Variants in POM121C observed in about 807,000 individuals in gnomAD.
POM121C encodes POM121 transmembrane nucleoporin C.
In POM121C, 20 loss-of-function variants were observed where a neutral mutation model predicts 66.4. The observed-to-expected ratio is 0.30, with a 90% CI of 0.21 to 0.44. The LOEUF is 0.44. POM121C is among the 20% of genes least tolerant of loss of function. The pLI is 1.00. For missense variants in POM121C, 580 were observed against 1,225.7 expected, an observed-to-expected ratio of 0.47 and a Z score of 7.87; for synonymous variants, 286 against 528.0, an observed-to-expected ratio of 0.54 and a Z score of 6.28.
chr7:75,476,135 T>A lies in POM121C; in HGVS notation c.-457-947A>T, dbSNP rs587752192. 7.2e-4 allele frequency among the ~76,000 whole-genome samples: 110 copies of A among 152,150 alleles called. 1 individual carries two copies. The highest frequency in any genetic ancestry group is 2.7e-3 in the South Asian group (13 of 4,812). On this transcript the variant is annotated intron_variant, in intron 1 of 14. Coordinates refer to ENST00000615331, the MANE Select transcript of POM121C (RefSeq NM_001099415.3). ...ATCTCTGCTAAAAATAAAATTTTTT[T>A]AAAAAATTGGCTGGGCATCATGGCA...
At position 75,422,222 on chromosome 7, in the gene POM121C, T is replaced by G. The variant is rs1789749093; in HGVS notation, c.2030A>C (p.Asn677Thr). The change falls in exon 13 of 15, where the codon AAC (asparagine) becomes ACC (threonine). Residue 677 changes from asparagine (N) to threonine (T), a missense_variant. By Grantham distance (65) the Asn-to-Thr change is moderately conservative. Coordinates refer to ENST00000615331, the MANE Select transcript of POM121C (RefSeq NM_001099415.3). ...TSSQPTLTFS[N>T]TSTPTFNIPF... Reference sequence around the variant, plus strand: ...AATGTTGAACGTGGGGGTGCTCGTGTTACTGAACGTCAGAGTGGGCTGGCT... The same window carrying G: ...AATGTTGAACGTGGGGGTGCTCGTGGTACTGAACGTCAGAGTGGGCTGGCT... 1 of 1,611,094 alleles carries G rather than the reference T, an allele frequency of 6.2e-7. No individual in the cohort carries two copies. Among genetic ancestry groups the G allele is most frequent in the African/African-American group, 1.3e-5 (1 of 74,808 alleles).
chr7:75,424,943 G>A, intron 10 of POM121C, 131 bp downstream of exon 10: 2 of 1,489,690 alleles, frequency 1.3e-6, no homozygotes, highest in Non-Finnish European at 1.8e-6. Flanking sequence ...CTGGGTGACA[G>A]AGGGATGTTG....
intron 3 of POM121C, among the ~76,000 whole-genome samples, chr7:75,448,820 A>G (rs1790925115): frequency 6.6e-6 from 1 of 151,470 alleles, no homozygotes; most frequent in Non-Finnish European, 1.5e-5. Flanking sequence ...AAACCAAATA[A>G]TTATTAGAAA....
intron 1 of POM121C, among the ~76,000 whole-genome samples, chr7:75,483,971 C>G (rs3873791): frequency 6.6e-6 from 1 of 151,968 alleles, no homozygotes; most frequent in African/African-American, 2.4e-5. Context: ...GCATGGTGGC[C>G]CACGCCTGTA....
chr7:75,431,237 A>G (rs1790165046), intron 7 of POM121C, among the ~76,000 whole-genome samples: 1 of 152,168 alleles, frequency 6.6e-6, no homozygotes, highest in Admixed American at 6.5e-5. Context: ...AGAATGGCTA[A>G]AGAGACTGGC....
At chr7:75,435,856 C>T (rs1433975911) in intron 7 of POM121C, among the ~76,000 whole-genome samples, 1 of 152,164 alleles carries the variant, frequency 6.6e-6, no homozygotes, top group African/African-American at 2.4e-5. Context: ...TCCAGGCCAG[C>T]CTGGCCAACA....
chr7:75,418,882 G>A lies in POM121C; in HGVS notation c.2878C>T (p.Pro960Ser). 1 of 1,611,232 alleles carries A rather than the reference G, an allele frequency of 6.2e-7. No homozygotes were observed. The highest frequency in any genetic ancestry group is 8.5e-7 in the Non-Finnish European group (1 of 1,179,574). ...GATCCCGCACCAATGGAAAATGAAGGGGCCGCCGATCCTGGAAAGATTCAA... is the reference window on the plus strand; with the variant it reads ...GATCCCGCACCAATGGAAAATGAAGAGGCCGCCGATCCTGGAAAGATTCAA... ...VGVGPFGSAA[P>S]SFSIGAGSKT... The change falls in exon 15 of 15, where the codon CCT (proline) becomes TCT (serine). Residue 960 changes from proline to serine, a missense_variant. Pro to Ser is a moderately conservative substitution (Grantham distance 74). Transcript: ENST00000615331.
chr7:75,433,914 G>A (rs1376000974), intron 7 of POM121C, among the ~76,000 whole-genome samples: 1 of 152,156 alleles, frequency 6.6e-6, no homozygotes, highest in Non-Finnish European at 1.5e-5. Context: ...CCATTTCCCA[G>A]TATGTGTGTA....
intron 13 of POM121C, 114 bp downstream of exon 13, chr7:75,421,395 A>C (rs183826754): frequency 1.1e-3 from 1,636 of 1,532,262 alleles, no homozygotes; most frequent in Non-Finnish European, 1.4e-3. Flanking sequence ...ACTGAGTTCT[A>C]TATTCAGTGC....
At chr7:75,457,155 AAAT>A (rs1791253627) in intron 3 of POM121C, among the ~76,000 whole-genome samples, 9 of 760 alleles carry the variant, frequency 0.012, no homozygotes, top group African/African-American at 0.027. Context: ...AATTAAAAAT[AAAT>A]AAATAAATAA....
intron 3 of POM121C, among the ~76,000 whole-genome samples, chr7:75,449,514 G>A (rs189118147): frequency 0.047 from 7,204 of 152,014 alleles, 185 homozygotes; most frequent in Non-Finnish European, 0.063. Flanking sequence ...ATAGGCGCCC[G>A]CTGCCACGCC....
chr7:75,484,816 AG>A (rs1554480637), intron 1 of POM121C, among the ~76,000 whole-genome samples: 2 of 152,144 alleles, frequency 1.3e-5, no homozygotes, highest in Non-Finnish European at 2.9e-5. Flanking sequence ...AGGCGCAAAA[AG>A]AAAAAAAATT....
At position 75,416,987 on chromosome 7, in the gene POM121C, C is replaced by T. The variant is rs1249113992; in HGVS notation, c.*1809G>A. On this transcript the variant is annotated 3_prime_UTR_variant, in exon 15 of 15. Transcript: ENST00000615331. The stretch of plus-strand genomic sequence containing the variant: ...AGGGTTCCCGGACCGGCTGTCCTGC[C>T]TGCGGAACTGAGGTAAACAAGCTCA... 2.3e-6 allele frequency: 3 copies of T among 1,327,844 alleles called. No individual in the cohort carries two copies. The highest frequency in any genetic ancestry group is 1.5e-5 in the African/African-American group (1 of 67,828). 82.3% of individuals were successfully genotyped at this position (1,327,844 alleles called of 1,614,324 possible). A position where few individuals can be genotyped will look rare whatever the true frequency, so the allele number is the denominator to read the frequency against.
At chr7:75,470,049 C>T (rs1325186436) in intron 3 of POM121C, among the ~76,000 whole-genome samples, 17 of 152,084 alleles carry the variant, frequency 1.1e-4, no homozygotes, top group Non-Finnish European at 2.1e-4. Context: ...TCACTGCAAC[C>T]TTAGCCTCCC....
chr7:75,466,475 A>C (rs782051172), intron 3 of POM121C, among the ~76,000 whole-genome samples: 18 of 151,904 alleles, frequency 1.2e-4, no homozygotes, highest in Non-Finnish European at 2.4e-4. Context: ...GCGTGATTGC[A>C]TGTGCCTATA....
intron 3 of POM121C, chr7:75,442,340 T>G: frequency 7.1e-7 from 1 of 1,410,980 alleles, no homozygotes; most frequent in Middle Eastern, 2.6e-4. Context: ...CTTGCCCAGG[T>G]AACTGCCCAT....
intron 5 of POM121C, 150 bp downstream of exon 5, chr7:75,440,804 G>A (rs1286047915): frequency 3.8e-6 from 5 of 1,324,016 alleles, no homozygotes; most frequent in Non-Finnish European, 5.3e-6. Context: ...TAAAACCCTT[G>A]TTATTAGGTT....
At chr7:75,454,612 G>A (rs1265501514) in intron 3 of POM121C, among the ~76,000 whole-genome samples, 1 of 152,208 alleles carries the variant, frequency 6.6e-6, no homozygotes, top group Non-Finnish European at 1.5e-5. Flanking sequence ...GGGAAAAGCT[G>A]CATGGTCTAG....
intron 3 of POM121C, among the ~76,000 whole-genome samples, chr7:75,446,382 A>G: frequency 6.6e-6 from 1 of 151,028 alleles, no homozygotes; most frequent in Non-Finnish European, 1.5e-5. Context: ...ACTGGGTTTC[A>G]CCATGTTGGA....
Sources: allele counts gnomAD v4.1 joint callset (sites outside exome capture counted in the v4.1 genomes callset), GRCh38; gene constraint gnomAD v4.1.1; transcripts MANE v1.5; gene names NCBI Gene and HGNC (gene_info 2026-07-23, HGNC 2026-07-21).